UXS1: variants seen among roughly 807,000 people sequenced by gnomAD.
The protein encoded by UXS1 is UDP-glucuronic acid decarboxylase 1.
UXS1 carries 33 observed loss-of-function variants against 62.6 expected under a neutral mutation model. That is an observed-to-expected ratio of 0.53 (90% confidence interval 0.40 to 0.70). The LOEUF is 0.70. Among genes scored for constraint, UXS1 ranks in the 30% least tolerant of loss-of-function variants. The probability of loss-of-function intolerance (pLI) is 0.00; values close to 1 mark genes in which losing one functional copy is unlikely to be tolerated. For missense variants in UXS1, 434 were observed against 556.3 expected (o/e 0.78, Z 2.21); for synonymous variants, 213 against 206.8 (o/e 1.03, Z -0.26).
chr2:106,098,155 C>A (rs1677280608), intron 13 of UXS1, among the ~76,000 whole-genome samples: 1 of 152,222 alleles, frequency 6.6e-6, no homozygotes, highest in Non-Finnish European at 1.5e-5. Context: ...CTCCTCAGAG[C>A]TCCAGGAAGT....
At chr2:106,128,651 G>A (rs1019260450) in intron 7 of UXS1, among the ~76,000 whole-genome samples, 1 of 152,190 alleles carries the variant, frequency 6.6e-6, no homozygotes, top group Non-Finnish European at 1.5e-5. Context: ...CTTGCTTGCA[G>A]AAGGCAGACG....
intron 1 of UXS1, among the ~76,000 whole-genome samples, chr2:106,190,600 G>T (rs905029728): frequency 1.3e-5 from 2 of 151,932 alleles, no homozygotes; most frequent in Non-Finnish European, 2.9e-5. Context: ...AAAATTAGCC[G>T]GGCGTGGTGG....
intron 5 of UXS1, among the ~76,000 whole-genome samples, chr2:106,153,544 A>G (rs1682198929): frequency 6.6e-6 from 1 of 152,160 alleles, no homozygotes; most frequent in African/African-American, 2.4e-5. Flanking sequence ...ATAAATAAAT[A>G]AATAAAATAA....
At chr2:106,122,904 C>T in intron 9 of UXS1, 66 bp downstream of exon 9, 2 of 1,581,552 alleles carry the variant, frequency 1.3e-6, no homozygotes, top group Non-Finnish European at 1.7e-6. Context: ...TCCTTTACAA[C>T]ACTTTACATC....
At chr2:106,166,722 G>A (rs116252594) in intron 1 of UXS1, among the ~76,000 whole-genome samples, 2,872 of 109,090 alleles carry the variant, frequency 0.026, 37 homozygotes, top group Admixed American at 0.076. Context: ...TTTTTTCCAA[G>A]TGACAGATCT....
At chr2:106,170,877 C>T (rs1683510737) in intron 1 of UXS1, among the ~76,000 whole-genome samples, 1 of 152,192 alleles carries the variant, frequency 6.6e-6, no homozygotes, top group Non-Finnish European at 1.5e-5. Context: ...TTTGACCCAC[C>T]TTACGGTGCT....
At chr2:106,183,745 A>G (rs1406114509) in intron 1 of UXS1, 1 of 152,248 alleles carries the variant, frequency 6.6e-6, no homozygotes, top group African/African-American at 2.4e-5. Context: ...AGCTCTTTAG[A>G]GAAATCCCTT....
intron 4 of UXS1, among the ~76,000 whole-genome samples, chr2:106,158,628 C>T (rs1010055043): frequency 2.0e-5 from 3 of 152,150 alleles, no homozygotes; most frequent in South Asian, 2.1e-4. Context: ...GAAAACTGAC[C>T]CCCCTCCTTG....
intron 1 of UXS1, among the ~76,000 whole-genome samples, chr2:106,166,832 T>C (rs1036957506): frequency 6.6e-6 from 1 of 152,004 alleles, no homozygotes; most frequent in Non-Finnish European, 1.5e-5. Flanking sequence ...TAAGGATGCA[T>C]GTGTTTTGAT....
chr2:106,138,451 C>A, intron 6 of UXS1: 1 of 985,474 alleles, frequency 1.0e-6, no homozygotes, highest in Non-Finnish European at 1.2e-6. Context: ...CCCTCGGTCA[C>A]CCACAAATGC....
At chr2:106,150,600 GGTGCTCTAATTCTGCAAGT>G (rs1365009303) in intron 5 of UXS1, among the ~76,000 whole-genome samples, 12 of 152,324 alleles carry the variant, frequency 7.9e-5, no homozygotes, top group African/African-American at 2.9e-4. Context: ...GTGTCCACGT[GGTGCTCTAATTCTGCAAGT>G]GTGCAGAATG....
chr2:106,161,312 C>G (rs911130372), intron 4 of UXS1, among the ~76,000 whole-genome samples: 4 of 152,014 alleles, frequency 2.6e-5, no homozygotes, highest in Admixed American at 6.6e-5. Context: ...CATTATGTTG[C>G]CCAGGCTGGG....
chr2:106,097,225 A>C (rs1204707800), intron 13 of UXS1: 1 of 458,328 alleles, frequency 2.2e-6, no homozygotes, highest in Non-Finnish European at 4.4e-6. Context: ...CCTGAGGTGG[A>C]TGCCCCAAGT....
intron 6 of UXS1, among the ~76,000 whole-genome samples, chr2:106,131,279 C>T (rs1246986040): frequency 7.0e-6 from 1 of 143,872 alleles, no homozygotes; most frequent in African/African-American, 2.6e-5. Context: ...TCGCTGATTG[C>T]TAGCACAGCA....
intron 11 of UXS1, among the ~76,000 whole-genome samples, chr2:106,104,352 T>G (rs1416239001): frequency 6.6e-6 from 1 of 152,224 alleles, no homozygotes; most frequent in Non-Finnish European, 1.5e-5. Flanking sequence ...GCATTTAGTT[T>G]CAGCGTGAAA....
intron 6 of UXS1, chr2:106,138,187 T>C (rs1680817557): frequency 1.0e-6 from 1 of 985,368 alleles, no homozygotes; most frequent in African/African-American, 1.7e-5. Context: ...TCTTCCCTCC[T>C]CGTCGTCTGC....
intron 4 of UXS1, 90 bp from the exon 5 acceptor site, chr2:106,158,208 T>A: frequency 8.6e-7 from 1 of 1,163,448 alleles, no homozygotes. Flanking sequence ...TGCCAGGTTT[T>A]GGGACTGTTA....
chr2:106,156,970 CTAAG>C (rs539774736), intron 5 of UXS1, among the ~76,000 whole-genome samples: 103 of 152,236 alleles, frequency 6.8e-4, no homozygotes, highest in Non-Finnish European at 1.3e-3. Flanking sequence ...TGAAAACATA[CTAAG>C]TGAGAAAAGC....
At chr2:106,139,233 C>A (rs544981845) in intron 6 of UXS1, among the ~76,000 whole-genome samples, 1 of 152,282 alleles carries the variant, frequency 6.6e-6, no homozygotes, top group Admixed American at 6.5e-5. Context: ...CCGCTAGAGA[C>A]CCTGCCACGA....
Sources: allele counts gnomAD v4.1 joint callset (sites outside exome capture counted in the v4.1 genomes callset), GRCh38; gene constraint gnomAD v4.1.1; transcripts MANE v1.5; gene names NCBI Gene and HGNC (gene_info 2026-07-23, HGNC 2026-07-21).